The following PUS7L variants were observed in gnomAD, a reference collection of about 807,000 sequenced individuals.
PUS7L encodes the protein pseudouridylate synthase PUS7L.
A neutral mutation model predicts 51.1 loss-of-function variants in PUS7L; 49 were observed. The ratio of observed to expected loss-of-function variants is 0.96; its 90% confidence interval spans 0.76 to 1.22. PUS7L has a LOEUF of 1.22. Among genes scored for constraint, PUS7L ranks in the 50% most tolerant of loss-of-function variants. The pLI, the probability that PUS7L is intolerant of heterozygous loss-of-function variation, is 0.00. For synonymous variants in PUS7L, 277 were observed against 276.2 expected (o/e 1.00, Z -0.03); for missense variants, 828 against 820.6 (o/e 1.01, Z -0.11).
Position 43,730,331 on chromosome 12 carries a change from C to T in PUS7L, c.*45G>A, listed in dbSNP as rs1295627129. 6.8e-7 allele frequency: 1 copy of T among 1,460,790 alleles called. No individual in the cohort carries two copies. The highest frequency in any genetic ancestry group is 2.3e-5 in the East Asian group (1 of 43,682). 90.5% of individuals were successfully genotyped at this position (1,460,790 alleles called of 1,614,324 possible). On this transcript the variant is annotated 3_prime_UTR_variant, in exon 9 of 9. Coordinates refer to ENST00000344862, the MANE Select transcript of PUS7L (RefSeq NM_031292.5). ...TGCTTAAGACATTTTAGCCCCCTTT[C>T]CTTCAAAGAGTGACATATATATGGT...
chr12:43,729,965 T>G lies in PUS7L; in HGVS notation c.*411A>C, dbSNP rs1944511624. On this transcript the variant is annotated 3_prime_UTR_variant, in exon 9 of 9. Coordinates refer to ENST00000344862, the MANE Select transcript of PUS7L (RefSeq NM_031292.5). ...AATAATTAGCAAAATGCTTCATCTA[T>G]CTTTCTCTCCAACATTTGCTTCACT... is the stretch of plus-strand genomic sequence containing the variant. 1 of 165,450 alleles carries G rather than the reference T, an allele frequency of 6.0e-6. No homozygotes were observed. Among genetic ancestry groups the G allele is most frequent in the Admixed American group, 5.7e-5 (1 of 17,640 alleles). 10.2% of individuals were successfully genotyped at this position (165,450 alleles called of 1,614,324 possible).
At chr12:43,733,720 T>C (rs10880555) in intron 7 of PUS7L, among the ~76,000 whole-genome samples, 26,175 of 152,134 alleles carry the variant, frequency 0.17, 3,432 homozygotes, top group African/African-American at 0.37. Flanking sequence ...TGGGAGGTGT[T>C]AAGAAATGAT....
intron 2 of PUS7L, 47 bp from the exon 3 acceptor site, chr12:43,748,656 C>T (rs1381108330): frequency 8.1e-6 from 11 of 1,364,994 alleles, no homozygotes; most frequent in African/African-American, 1.5e-5. Flanking sequence ...AGCTACCATA[C>T]ATCAATTACA....
chr12:43,746,373 G>A, intron 3 of PUS7L, 135 bp from the exon 4 acceptor site: 3 of 510,502 alleles, frequency 5.9e-6, no homozygotes, highest in Non-Finnish European at 1.0e-5. Flanking sequence ...ATATTCTAAA[G>A]TTAATGTTAT....
Position 43,755,204 on chromosome 12 carries a change from CAAAG to C in PUS7L, c.38_41del (p.Ser13CysfsTer14). ...ATCCAACGTGATCATTAAAGAAACACAAAGAACTAAACCTGATTCTATAATCTGT... is the reference window on the plus strand; with the variant it reads ...ATCCAACGTGATCATTAAAGAAACACAACTAAACCTGATTCTATAATCTGT... On this transcript the variant is annotated frameshift_variant, in exon 2 of 9. Coordinates refer to ENST00000344862, the MANE Select transcript of PUS7L (RefSeq NM_031292.5). LOFTEE classifies it high-confidence loss of function. 6.2e-7 allele frequency: 1 copy of C among 1,610,438 alleles called. No homozygotes were observed. The highest frequency in any genetic ancestry group is 8.5e-7 in the Non-Finnish European group (1 of 1,178,436).
chr12:43,735,781 T>A (rs548099107), intron 7 of PUS7L, among the ~76,000 whole-genome samples: 1 of 152,204 alleles, frequency 6.6e-6, no homozygotes, highest in South Asian at 2.1e-4. Context: ...CTGTAATGTT[T>A]TTATTTTTGT....
intron 1 of PUS7L, among the ~76,000 whole-genome samples, chr12:43,756,932 A>G (rs1476317356): frequency 6.6e-6 from 1 of 152,088 alleles, no homozygotes; most frequent in Non-Finnish European, 1.5e-5. Context: ...ATAAAATCCA[A>G]ATTACTCACC....
Position 43,748,594 on chromosome 12 carries a change from T to G in PUS7L, c.926A>C (p.Lys309Thr). The G allele has an allele frequency of 6.3e-7, 1 of 1,585,482 alleles. No individual in the cohort carries two copies. ...KVIYTAFTLR[K>T]ENLEMFEAIG... ...CGCTTCAAACATTTCCAGGTTTTCC[T>G]TTCGTAGGGTAAAAGCTGAAACAAA... The change falls in exon 3 of 9, where the codon AAG becomes ACG. Residue 309 changes from lysine to threonine, a missense_variant. Transcript: ENST00000344862.
At position 43,727,663 on chromosome 12, in the gene PUS7L, T is replaced by C. The variant is rs117708377; in HGVS notation, c.*2713A>G. The C allele has an allele frequency of 3.9e-5, 6 of 152,140 alleles. No homozygotes were observed. In the East Asian group the frequency reaches 1.2e-3, roughly 29 times the overall value. 9.4% of individuals were successfully genotyped at this position (152,140 alleles called of 1,614,324 possible). A position where few individuals can be genotyped will look rare whatever the true frequency, so the allele number is the denominator to read the frequency against. On this transcript the variant is annotated 3_prime_UTR_variant, in exon 9 of 9. Transcript: ENST00000344862. The stretch of plus-strand genomic sequence containing the variant: ...CACTTGGACTCTAAGAAGGGAACAA[T>C]AGGCACCATGGCCTACTTGAGGGTG...
intron 2 of PUS7L, among the ~76,000 whole-genome samples, chr12:43,749,613 C>G (rs1938345712): frequency 6.6e-6 from 1 of 152,036 alleles, no homozygotes; most frequent in African/African-American, 2.4e-5. Context: ...GAGGCTGTAG[C>G]AAGCCACGAT....
chr12:43,744,282 A>G (rs1448534001), intron 4 of PUS7L, among the ~76,000 whole-genome samples: 1 of 152,192 alleles, frequency 6.6e-6, no homozygotes, highest in Admixed American at 6.5e-5. Flanking sequence ...TGTAATCCCC[A>G]CAATTCCCAC....
At position 43,724,933 on chromosome 12, in the gene PUS7L, G is replaced by A. The variant is rs973107699; in HGVS notation, c.*5443C>T. ...ATTGATTACCATAAATAAAAGGGAAGATAAATTCAATAAAACAATGCAATC... is the reference window on the plus strand; with the variant it reads ...ATTGATTACCATAAATAAAAGGGAAAATAAATTCAATAAAACAATGCAATC... On this transcript the variant is annotated 3_prime_UTR_variant, in exon 9 of 9. Coordinates refer to ENST00000344862, the MANE Select transcript of PUS7L (RefSeq NM_031292.5). The A allele has an allele frequency of 3.9e-5, 6 of 152,122 alleles. No homozygotes were observed. Among genetic ancestry groups the A allele is most frequent in the Non-Finnish European group, 8.8e-5 (6 of 68,010 alleles). The allele number at this position is 152,122 out of a possible 1,614,324, so 9.4% of individuals were successfully genotyped here.
chr12:43,742,316 T>G lies in PUS7L; in HGVS notation c.1362+141A>C, dbSNP rs1186275702. 9.9e-5 allele frequency: 60 copies of G among 608,354 alleles called. 1 individual carries two copies. The South Asian group carries it at 1.2e-3, about 13-fold the overall frequency. The allele number at this position is 608,354 out of a possible 1,614,324, so 37.7% of individuals were successfully genotyped here. ...TATCAAGGACAGAGCAGCAGCTTAC[T>G]AAATGTTCAGTAATGTAATATATTT... is the stretch of plus-strand genomic sequence containing the variant. On this transcript the variant is annotated intron_variant, in intron 5 of 8. Coordinates refer to ENST00000344862, the MANE Select transcript of PUS7L (RefSeq NM_031292.5).
Position 43,728,660 on chromosome 12 carries a change from T to C in PUS7L, c.*1716A>G, listed in dbSNP as rs1423431318. 1.3e-5 allele frequency: 2 copies of C among 152,104 alleles called. No individual in the cohort carries two copies. The highest frequency in any genetic ancestry group is 2.4e-5 in the African/African-American group (1 of 41,450). The allele number at this position is 152,104 out of a possible 1,614,324, so 9.4% of individuals were successfully genotyped here. ...AAAACATATAACAAAAAAAACTTTT[T>C]AGTATTAAAAAAAATCCAAATACCC... On this transcript the variant is annotated 3_prime_UTR_variant, in exon 9 of 9. Transcript: ENST00000344862.
rs549674875 is a variant in PUS7L at position 43,730,082 on chromosome 12, T to A, written c.*294A>T. The A allele has an allele frequency of 1.7e-5, 5 of 298,672 alleles. No homozygotes were observed. The East Asian group carries it at 2.3e-4, about 14-fold the overall frequency. The allele number at this position is 298,672 out of a possible 1,614,324, so 18.5% of individuals were successfully genotyped here. ...TTAAATGTTATCTTGCAGTATTATA[T>A]ATATTCCTAATGGTTTTAAAAGATT... On this transcript the variant is annotated 3_prime_UTR_variant, in exon 9 of 9. Transcript: ENST00000344862.
chr12:43,734,969 T>C (rs1328430907), intron 7 of PUS7L, among the ~76,000 whole-genome samples: 1 of 152,204 alleles, frequency 6.6e-6, no homozygotes, highest in Non-Finnish European at 1.5e-5. Context: ...CAAATGAATT[T>C]CCTTGCATGA....
At chr12:43,758,666 C>T in intron 1 of PUS7L, 64 bp downstream of exon 1, 1 of 459,622 alleles carries the variant, frequency 2.2e-6, no homozygotes, top group Non-Finnish European at 2.4e-6. Flanking sequence ...CCCCCCCCCC[C>T]ACACACACAC....
At chr12:43,756,530 C>A (rs1018894901) in intron 1 of PUS7L, among the ~76,000 whole-genome samples, 1 of 152,208 alleles carries the variant, frequency 6.6e-6, no homozygotes, top group Non-Finnish European at 1.5e-5. Context: ...GACAACTCTG[C>A]TTCATTCACT....
Position 43,722,275 on chromosome 12 carries a change from T to C in PUS7L, c.*8101A>G, listed in dbSNP as rs563807787. Reference sequence around the variant, plus strand: ...GTTACTGCATAGATACTGGAAAGCTTCTGAAATGTTCTATGGCCCCAAAAC... The same window carrying C: ...GTTACTGCATAGATACTGGAAAGCTCCTGAAATGTTCTATGGCCCCAAAAC... On this transcript the variant is annotated 3_prime_UTR_variant, in exon 9 of 9. Transcript: ENST00000344862. 8 of 152,290 alleles carry C rather than the reference T, an allele frequency of 5.3e-5. No homozygotes were observed. The highest frequency in any genetic ancestry group is 8.8e-5 in the Non-Finnish European group (6 of 68,000). The allele number at this position is 152,290 out of a possible 1,614,324, so 9.4% of individuals were successfully genotyped here.
Sources: allele counts gnomAD v4.1 joint callset (sites outside exome capture counted in the v4.1 genomes callset), GRCh38; gene constraint gnomAD v4.1.1; transcripts MANE v1.5; gene names NCBI Gene and HGNC (gene_info 2026-07-23, HGNC 2026-07-21).